The following PCDHA4 variants were observed in gnomAD, a reference collection of about 807,000 sequenced individuals.
PCDHA4 encodes the protein protocadherin alpha-4.
In PCDHA4, 49 loss-of-function variants were observed where a neutral mutation model predicts 61.4. The ratio of observed to expected loss-of-function variants is 0.80; its 90% CI spans 0.63 to 1.01. The LOEUF is 1.01. PCDHA4 is among the 50% of genes least tolerant of loss of function. PCDHA4 has a pLI of 0.00. For missense variants in PCDHA4, 1,254 were observed against 1,235.8 expected, an observed-to-expected ratio of 1.01 and a Z score of -0.22; for synonymous variants, 590 against 550.3, an observed-to-expected ratio of 1.07 and a Z score of -1.01.
intron 1 of PCDHA4, among the ~76,000 whole-genome samples, chr5:140,896,222 A>G (rs1554186870): frequency 6.6e-6 from 1 of 152,222 alleles, no homozygotes; most frequent in Non-Finnish European, 1.5e-5. Context: ...ATGTGTCTTT[A>G]TAGTAGAATG....
chr5:140,818,753 G>A (rs1766431196), intron 1 of PCDHA4, among the ~76,000 whole-genome samples: 1 of 152,198 alleles, frequency 6.6e-6, no homozygotes, highest in Non-Finnish European at 1.5e-5. Context: ...TTGGAGGATG[G>A]CTTGAGCCTG....
chr5:140,822,739 A>C, intron 1 of PCDHA4: 1 of 1,613,636 alleles, frequency 6.2e-7, no homozygotes, highest in Non-Finnish European at 8.5e-7. Flanking sequence ...TATTGATGCC[A>C]TGGATAAAAG....
intron 1 of PCDHA4, chr5:140,870,246 C>T (rs782184125): frequency 1.9e-6 from 3 of 1,614,168 alleles, no homozygotes; most frequent in South Asian, 2.2e-5. Flanking sequence ...CAGGTGTCAA[C>T]GGACAGGTGA....
chr5:140,938,926 T>C (rs149516801), intron 1 of PCDHA4, among the ~76,000 whole-genome samples: 9 of 152,172 alleles, frequency 5.9e-5, no homozygotes, highest in Non-Finnish European at 1.2e-4. Context: ...AGAAATTGGC[T>C]TTTAACTTTC....
chr5:140,853,369 T>G, intron 1 of PCDHA4: 1 of 982,984 alleles, frequency 1.0e-6, no homozygotes, highest in African/African-American at 1.8e-5. Flanking sequence ...GATCCAGAGA[T>G]GGTAAAATTC....
rs145659771 is a variant in PCDHA4, at chr5:140,828,940, C to T, written c.2385+19368C>T. 1.3e-4 allele frequency: 202 copies of T among 1,614,160 alleles called. No individual in the cohort carries two copies. The Middle Eastern group carries it at 2.5e-3, about 20-fold the overall frequency. ...GGGCAATTTCATATTCTTTTAATAG[C>T]CTTGTTGCAGCCATGGTTATTGACC... On this transcript the variant is annotated intron_variant, in intron 1 of 3. Coordinates refer to ENST00000530339, the MANE Select transcript of PCDHA4 (RefSeq NM_018907.4).
chr5:140,833,186 T>C (rs1772344367), intron 1 of PCDHA4, among the ~76,000 whole-genome samples: 1 of 152,064 alleles, frequency 6.6e-6, no homozygotes, highest in Admixed American at 6.6e-5. Flanking sequence ...ACTGCAAGGA[T>C]TAAATGAAGG....
At chr5:140,833,089 G>A (rs1772288607) in intron 1 of PCDHA4, among the ~76,000 whole-genome samples, 1 of 152,162 alleles carries the variant, frequency 6.6e-6, no homozygotes, top group South Asian at 2.1e-4. Context: ...TTGAGTACTA[G>A]ACGAGTAATT....
At chr5:140,941,760 T>A (rs1343959883) in intron 1 of PCDHA4, among the ~76,000 whole-genome samples, 2 of 152,234 alleles carry the variant, frequency 1.3e-5, no homozygotes, top group Non-Finnish European at 1.5e-5. Flanking sequence ...TCAGTGCTTT[T>A]AAGATAATTG....
At chr5:140,850,645 T>G in intron 1 of PCDHA4, 1 of 1,598,542 alleles carries the variant, frequency 6.3e-7, no homozygotes. Flanking sequence ...ACGCTGCTGC[T>G]GTACACTGTG....
intron 1 of PCDHA4, chr5:140,831,368 G>GTA (rs1424031923): frequency 4.0e-5 from 6 of 151,578 alleles, no homozygotes; most frequent in Admixed American, 4.0e-4. Flanking sequence ...TTGTATGTGT[G>GTA]TGTGTGTGTG....
At chr5:140,946,857 G>T (rs2094041766) in intron 1 of PCDHA4, among the ~76,000 whole-genome samples, 1 of 151,296 alleles carries the variant, frequency 6.6e-6, no homozygotes, top group Non-Finnish European at 1.5e-5. Flanking sequence ...GAGAGATTGA[G>T]GAGAGGTTGG....
At chr5:140,840,564 T>C (rs1432242411) in intron 1 of PCDHA4, among the ~76,000 whole-genome samples, 1 of 152,054 alleles carries the variant, frequency 6.6e-6, no homozygotes, top group Non-Finnish European at 1.5e-5. Flanking sequence ...CTGCTAGAGT[T>C]TGGCATGTCA....
chr5:140,836,904 A>G (rs1774799044), intron 1 of PCDHA4: 1 of 589,848 alleles, frequency 1.7e-6, no homozygotes, highest in Non-Finnish European at 2.8e-6. Context: ...TACGTTTAAT[A>G]TACACTTTTG....
intron 1 of PCDHA4, chr5:140,842,100 C>G: frequency 1.2e-6 from 2 of 1,613,850 alleles, no homozygotes; most frequent in Non-Finnish European, 1.7e-6. Flanking sequence ...AACGGAACAA[C>G]AGTTATCAAA....
intron 1 of PCDHA4, chr5:140,830,355 G>C (rs2150185270): frequency 2.5e-6 from 4 of 1,614,120 alleles, no homozygotes; most frequent in South Asian, 2.2e-5. Flanking sequence ...CAGCAGAGGC[G>C]GCAGAGGGTG....
intron 1 of PCDHA4, among the ~76,000 whole-genome samples, chr5:140,818,849 T>C (rs1027189505): frequency 6.6e-6 from 1 of 152,196 alleles, no homozygotes; most frequent in Non-Finnish European, 1.5e-5. Context: ...TAGAATCAAC[T>C]ATAGGTAGAG....
intron 1 of PCDHA4, chr5:140,841,833 G>C: frequency 6.2e-7 from 1 of 1,613,938 alleles, no homozygotes; most frequent in Non-Finnish European, 8.5e-7. Flanking sequence ...TTAACCTACA[G>C]GCTTAGCTCT....
intron 1 of PCDHA4, among the ~76,000 whole-genome samples, chr5:140,963,165 A>G (rs775997183): frequency 2.6e-5 from 4 of 152,110 alleles, no homozygotes; most frequent in Non-Finnish European, 5.9e-5. Flanking sequence ...GACACATGCC[A>G]TCTTACAGAT....
Sources: allele counts gnomAD v4.1 joint callset (sites outside exome capture counted in the v4.1 genomes callset), GRCh38; gene constraint gnomAD v4.1.1; transcripts MANE v1.5; gene names NCBI Gene and HGNC (gene_info 2026-07-23, HGNC 2026-07-21).